The following MRPS6 variants were observed in gnomAD, a reference collection of about 807,000 sequenced individuals.
The protein encoded by MRPS6 is small ribosomal subunit protein bS6m.
A neutral mutation model predicts 13.1 loss-of-function variants in MRPS6; 6 were observed. The observed-to-expected ratio is 0.46, with a 90% CI of 0.25 to 0.91. The LOEUF is 0.91. Ranked by LOEUF, MRPS6 falls within the 40% of genes least tolerant of loss-of-function variation. MRPS6 has a pLI of 0.18. For missense variants in MRPS6, 164 were observed against 155.6 expected (o/e 1.05, Z -0.29); for synonymous variants, 61 against 56.5 (o/e 1.08, Z -0.36).
At chr21:34,099,915 A>C (rs1979157919) in intron 1 of MRPS6, 4 of 350,096 alleles carry the variant, frequency 1.1e-5, no homozygotes, top group Non-Finnish European at 1.7e-5. Context: ...TGAATTGCTG[A>C]TTGCAACTTA....
chr21:34,126,097 G>A (rs1980293946), intron 2 of MRPS6, among the ~76,000 whole-genome samples: 1 of 152,220 alleles, frequency 6.6e-6, no homozygotes, highest in East Asian at 1.9e-4. Flanking sequence ...TTTCCTAGGA[G>A]TGGGTGTTAG....
At chr21:34,080,634 C>T (rs1157738785) in intron 1 of MRPS6, among the ~76,000 whole-genome samples, 2 of 152,184 alleles carry the variant, frequency 1.3e-5, no homozygotes, top group East Asian at 3.8e-4. Flanking sequence ...GCATGAATCT[C>T]ATCACGTCTC....
intron 2 of MRPS6, among the ~76,000 whole-genome samples, chr21:34,132,687 T>C (rs1980547628): frequency 6.6e-6 from 1 of 152,190 alleles, no homozygotes; most frequent in Non-Finnish European, 1.5e-5. Flanking sequence ...AGCTTGACTC[T>C]CACTTTGTGA....
At chr21:34,100,211 T>A in intron 1 of MRPS6, 7 of 1,000,276 alleles carry the variant, frequency 7.0e-6, no homozygotes, top group Non-Finnish European at 8.4e-6. Context: ...CAGGTGTTAA[T>A]GGTATCCCCA....
chr21:34,093,418 A>G (rs1267663943), intron 1 of MRPS6, among the ~76,000 whole-genome samples: 1 of 152,142 alleles, frequency 6.6e-6, no homozygotes, highest in Non-Finnish European at 1.5e-5. Flanking sequence ...CATTAGACCT[A>G]AGAACCTAAT....
intron 2 of MRPS6, among the ~76,000 whole-genome samples, chr21:34,129,064 C>A (rs1048666173): frequency 2.0e-5 from 3 of 152,116 alleles, no homozygotes; most frequent in Non-Finnish European, 4.4e-5. Context: ...GCGGGACAGA[C>A]AAGGTGTTGG....
At chr21:34,073,838 C>T (rs1669933848) in intron 1 of MRPS6, 93 bp downstream of exon 1, 5 of 887,712 alleles carry the variant, frequency 5.6e-6, no homozygotes, top group Middle Eastern at 8.8e-4. Flanking sequence ...CGCGGGACCC[C>T]GGGCCTTCCT....
intron 1 of MRPS6, among the ~76,000 whole-genome samples, chr21:34,094,668 T>A (rs1172869040): frequency 1.3e-5 from 2 of 152,224 alleles, no homozygotes; most frequent in African/African-American, 2.4e-5. Flanking sequence ...AATGATAATA[T>A]TCTCACTGAC....
intron 1 of MRPS6, chr21:34,097,992 CT>C (rs201745004): frequency 8.9e-3 from 6,294 of 703,494 alleles, no homozygotes; most frequent in Middle Eastern, 9.2e-3. Context: ...GTTCCAGTTC[CT>C]TTTTTTTTTT....
chr21:34,104,212 ATTTGCTAGAGGAGCTAC>A, intron 1 of MRPS6: 1 of 1,000,112 alleles, frequency 1.0e-6, no homozygotes, highest in Non-Finnish European at 1.2e-6. Context: ...TCTGAAGCAT[ATTTGCTAGAGGAGCTAC>A]TTTGCTTTTC....
intron 1 of MRPS6, chr21:34,103,757 C>T (rs2148662403): frequency 2.0e-6 from 2 of 999,798 alleles, no homozygotes; most frequent in South Asian, 9.4e-5. Context: ...TGGTAAGGGA[C>T]CCAAAGGAAT....
intron 1 of MRPS6, chr21:34,094,995 G>A (rs1457284054): frequency 3.4e-6 from 2 of 590,640 alleles, no homozygotes; most frequent in African/African-American, 1.9e-5. Flanking sequence ...ATTAAGAAGC[G>A]GAAAATTTAA....
At chr21:34,087,110 C>T (rs1978428280) in intron 1 of MRPS6, among the ~76,000 whole-genome samples, 1 of 152,160 alleles carries the variant, frequency 6.6e-6, no homozygotes, top group Non-Finnish European at 1.5e-5. Context: ...GAGATGGTGG[C>T]TCCAGATACA....
intron 1 of MRPS6, chr21:34,098,304 T>G (rs1979065996): frequency 1.5e-5 from 15 of 1,000,056 alleles, no homozygotes; most frequent in Non-Finnish European, 1.8e-5. Context: ...CCTAGGTGGA[T>G]CCAGTTGGAA....
intron 1 of MRPS6, chr21:34,103,435 C>G (rs1979337315): frequency 2.0e-6 from 2 of 997,238 alleles, no homozygotes; most frequent in Admixed American, 1.2e-4. Context: ...TCTTTTATAT[C>G]CATTAAAAAC....
chr21:34,073,770 G>C, intron 1 of MRPS6, 25 bp downstream of exon 1: 3 of 1,473,560 alleles, frequency 2.0e-6, no homozygotes, highest in Non-Finnish European at 2.7e-6. Flanking sequence ...CTCAGAGCCG[G>C]TCTTCCCGCG....
chr21:34,099,721 G>C (rs1979148721), intron 1 of MRPS6: 1 of 997,824 alleles, frequency 1.0e-6, no homozygotes, highest in African/African-American at 1.7e-5. Context: ...TCTTGTGTCT[G>C]TGTGTATATA....
At chr21:34,098,513 T>C in intron 1 of MRPS6, 1 of 1,000,314 alleles carries the variant, frequency 1.0e-6, no homozygotes, top group Non-Finnish European at 1.2e-6. Context: ...CTCTACATTT[T>C]TGTTGTAGTG....
intron 1 of MRPS6, chr21:34,095,639 C>G (rs764401129): frequency 6.2e-7 from 1 of 1,610,766 alleles, no homozygotes. Flanking sequence ...ATTCGGGTGC[C>G]CTTTTTATCC....
Sources: gnomAD v4.1 joint callset for allele counts (sites outside exome capture counted in the v4.1 genomes callset) on GRCh38, gnomAD v4.1.1 for gene constraint, MANE v1.5 for transcripts, NCBI Gene and HGNC (gene_info 2026-07-23, HGNC 2026-07-21) for gene names.